Variants in FAT1 observed in about 807,000 individuals in gnomAD.
FAT1 encodes the protein FAT atypical cadherin 1, also known as protocadherin Fat 1.
FAT1 carries 171 observed loss-of-function variants against 329.8 expected under a neutral mutation model. The ratio of observed to expected loss-of-function variants is 0.52; its 90% CI spans 0.46 to 0.59. The LOEUF (loss-of-function observed/expected upper bound fraction) is 0.59, where lower values mean the gene tolerates loss of function less well. Ranked by LOEUF, FAT1 falls within the 20% of genes least tolerant of loss-of-function variation. The pLI, the probability that FAT1 is intolerant of heterozygous loss-of-function variation, is 0.00. For missense variants in FAT1, 5,672 were observed against 5,774.4 expected, an observed-to-expected ratio of 0.98 and a Z score of 0.57; for synonymous variants, 2,233 against 2,228.6, an observed-to-expected ratio of 1.00 and a Z score of -0.06.
chr4:186,685,214 G>A (rs1743404592), intron 2 of FAT1, among the ~76,000 whole-genome samples: 1 of 152,140 alleles, frequency 6.6e-6, no homozygotes, highest in African/African-American at 2.4e-5. Flanking sequence ...TCTTCTCACA[G>A]GGAAAGGAAG....
chr4:186,616,902 T>A (rs925538412), intron 11 of FAT1, 103 bp downstream of exon 11: 1 of 1,039,784 alleles, frequency 9.6e-7, no homozygotes, highest in Non-Finnish European at 1.4e-6. Context: ...TAAGTGATCA[T>A]AAAACACATG....
rs199927785 is a variant in FAT1, at chr4:186,588,883, A to G, written c.13476T>C (p.Asn4492=). 1 of 1,613,992 alleles carries G rather than the reference A, an allele frequency of 6.2e-7. No homozygotes were observed. The part of the protein sequence containing the change: ...QRFNLNQYLP[N]FYPLDMSEPQ... Reference sequence around the variant, plus strand: ...GTTCAGACATATCGAGGGGATAAAAATTGGGCAAATACTGATTCAAGTTGA... The same window carrying G: ...GTTCAGACATATCGAGGGGATAAAAGTTGGGCAAATACTGATTCAAGTTGA... Residue 4492 remains asparagine, a synonymous_variant, in exon 27 of 27, where the codon AAT becomes AAC. Coordinates refer to ENST00000441802, the MANE Select transcript of FAT1 (RefSeq NM_005245.4).
At chr4:186,599,642 C>T (rs1284402793) in intron 22 of FAT1, among the ~76,000 whole-genome samples, 2 of 152,170 alleles carry the variant, frequency 1.3e-5, no homozygotes, top group African/African-American at 2.4e-5. Flanking sequence ...ACTTGAGGTG[C>T]CTCCTGCTCG....
chr4:186,623,850 T>C (rs1260440577), intron 9 of FAT1, among the ~76,000 whole-genome samples: 4 of 152,200 alleles, frequency 2.6e-5, no homozygotes, highest in Non-Finnish European at 5.9e-5. Context: ...TTATCGGCCA[T>C]GCAAGATTCA....
chr4:186,645,395 A>AAGCCTG (rs1741312406), intron 3 of FAT1, among the ~76,000 whole-genome samples: 1 of 107,354 alleles, frequency 9.3e-6, no homozygotes. Context: ...ATATATATAT[A>AAGCCTG]TATATATATA....
At position 186,618,620 on chromosome 4, in the gene FAT1, T is replaced by C; in HGVS notation, c.7966A>G (p.Thr2656Ala). 1.2e-6 allele frequency: 2 copies of C among 1,614,080 alleles called. No homozygotes were observed. The highest frequency in any genetic ancestry group is 1.7e-6 in the Non-Finnish European group (2 of 1,179,906). The change falls in exon 10 of 27, where the codon ACT (threonine) becomes GCT (alanine). Residue 2656 changes from threonine to alanine, a missense_variant. Around this residue, in one of 2 missense-constraint regions of FAT1, gnomAD observed 3,966 missense variants for 3,915.2 expected, o/e 1.01. Transcript: ENST00000441802. ...LEINKLSGVI[T>A]TKESLIGLEN... Reference sequence around the variant, plus strand: ...AAGCCAATGAGGCTCTCCTTTGTAGTGATTACGCCGGACAGTTTGTTAATT... The same window carrying C: ...AAGCCAATGAGGCTCTCCTTTGTAGCGATTACGCCGGACAGTTTGTTAATT...
intron 9 of FAT1, among the ~76,000 whole-genome samples, chr4:186,625,914 A>G (rs1740282394): frequency 6.6e-6 from 1 of 152,216 alleles, no homozygotes; most frequent in African/African-American, 2.4e-5. Flanking sequence ...CCAACATGGC[A>G]CCTGGCACAT....
intron 2 of FAT1, among the ~76,000 whole-genome samples, chr4:186,676,403 G>A (rs961930139): frequency 6.6e-6 from 1 of 151,876 alleles, no homozygotes; most frequent in Non-Finnish European, 1.5e-5. Flanking sequence ...AAATATACAT[G>A]TATTATATAA....
intron 9 of FAT1, among the ~76,000 whole-genome samples, chr4:186,622,058 T>C (rs1740074510): frequency 6.6e-6 from 1 of 152,240 alleles, no homozygotes; most frequent in Admixed American, 6.5e-5. Flanking sequence ...TCGGCTGCAC[T>C]GGGAATGTGT....
intron 7 of FAT1, 62 bp from the exon 8 acceptor site, chr4:186,628,825 A>G: frequency 6.7e-7 from 1 of 1,503,280 alleles, no homozygotes; most frequent in Non-Finnish European, 8.9e-7. Flanking sequence ...TAATACTTAA[A>G]GAACCATGAA....
In FAT1 at chr4:186,619,616, C is replaced by G. The variant is rs750102993; in HGVS notation, c.6970G>C (p.Gly2324Arg). The stretch of plus-strand genomic sequence containing the variant: ...TGATCATGACTCTTGCTGTGATTCC[C>G]AAACATCTGGTATGAGATTCCTCTA... Reference protein sequence around the residue: ...PNRGISYQMFGNHSKSHDHFH... With the variant: ...PNRGISYQMFRNHSKSHDHFH... The change falls in exon 10 of 27, where the codon GGG becomes CGG. Residue 2324 changes from glycine to arginine, a missense_variant. By Grantham distance (125) the Gly-to-Arg change is moderately radical. Coordinates refer to ENST00000441802, the MANE Select transcript of FAT1 (RefSeq NM_005245.4). 1 of 1,613,946 alleles carries G rather than the reference C, an allele frequency of 6.2e-7. No homozygotes were observed. The highest frequency in any genetic ancestry group is 8.5e-7 in the Non-Finnish European group (1 of 1,179,896).
At chr4:186,676,563 T>C (rs574700863) in intron 2 of FAT1, among the ~76,000 whole-genome samples, 1 of 152,224 alleles carries the variant, frequency 6.6e-6, no homozygotes, top group East Asian at 1.9e-4. Context: ...AAAGCTCTTG[T>C]ACTGCAAAGT....
intron 1 of FAT1, among the ~76,000 whole-genome samples, chr4:186,720,275 GTTTC>G (rs201346598): frequency 0.026 from 3,934 of 151,932 alleles, 57 homozygotes; most frequent in Middle Eastern, 0.041. Context: ...TCTCTTCAAC[GTTTC>G]TTTCTTTTTC....
Position 186,606,210 on chromosome 4 carries a change from A to G in FAT1, c.10210T>C (p.Ser3404Pro), listed in dbSNP as rs970786215. ...GCTTGAACCGTGAGCGTGTAACCTG[A>G]AATCTTTTCAGGCAAAAGACAGAAT... Reference protein sequence around the residue: ...VTKLLDRETISGYTLTVQASD... With the variant: ...VTKLLDRETIPGYTLTVQASD... The change falls in exon 17 of 27, where the codon TCA becomes CCA. Residue 3404 changes from serine to proline, a missense_variant. Physicochemically the swap from Ser to Pro is moderately conservative, Grantham distance 74 (BLOSUM62 -1). This residue lies in a region of FAT1 where 1,706 missense variants were observed against 1,859.1 expected (regional missense o/e 0.92). Transcript: ENST00000441802. 4 of 1,612,822 alleles carry G rather than the reference A, an allele frequency of 2.5e-6. No individual in the cohort carries two copies. Among genetic ancestry groups the G allele is most frequent in the Non-Finnish European group, 3.4e-6 (4 of 1,179,600 alleles).
intron 3 of FAT1, among the ~76,000 whole-genome samples, chr4:186,652,603 C>T (rs140215115): frequency 7.2e-5 from 11 of 152,160 alleles, no homozygotes; most frequent in East Asian, 1.9e-4. Context: ...AAAATATCTG[C>T]GTATCTTGGT....
intron 3 of FAT1, among the ~76,000 whole-genome samples, chr4:186,652,689 C>G (rs1176263923): frequency 1.3e-5 from 2 of 152,030 alleles, no homozygotes; most frequent in African/African-American, 4.8e-5. Flanking sequence ...TCCTTTCCTT[C>G]CTTTGCAGCT....
intron 2 of FAT1, among the ~76,000 whole-genome samples, chr4:186,677,827 C>T (rs1486628673): frequency 2.0e-5 from 3 of 152,098 alleles, no homozygotes; most frequent in East Asian, 3.9e-4. Flanking sequence ...ACTTTAGAGA[C>T]TATGAAGACA....
chr4:186,642,625 G>A (rs74905853), intron 3 of FAT1, among the ~76,000 whole-genome samples: 17 of 143,266 alleles, frequency 1.2e-4, no homozygotes, highest in African/African-American at 4.8e-4. Context: ...CAGGTGCTGC[G>A]ATGGGTGGCT....
In FAT1 at chr4:186,620,562, G is replaced by A. The variant is rs2126516824; in HGVS notation, c.6024C>T (p.Ile2008=). 2 of 1,614,000 alleles carry A rather than the reference G, an allele frequency of 1.2e-6. No individual in the cohort carries two copies. The highest frequency in any genetic ancestry group is 1.1e-5 in the South Asian group (1 of 91,070). The change falls in exon 10 of 27, where the codon ATC becomes ATT. Residue 2008 remains isoleucine (I), a synonymous_variant. Coordinates refer to ENST00000441802, the MANE Select transcript of FAT1 (RefSeq NM_005245.4). Reference sequence around the variant, plus strand: ...GGATGTGATAAAACAAAGGCTCATTGATTGGATTCCCAATAGCAGTAATGA... The same window carrying A: ...GGATGTGATAAAACAAAGGCTCATTAATTGGATTCCCAATAGCAGTAATGA... ...LAVITAIGNP[I]NEPLFYHILN...
Sources: allele counts gnomAD v4.1 joint callset (sites outside exome capture counted in the v4.1 genomes callset), GRCh38; gene constraint gnomAD v4.1.1; regional missense constraint gnomAD v4.1.1; transcripts MANE v1.5; gene names NCBI Gene and HGNC (gene_info 2026-07-23, HGNC 2026-07-21).